GALNT13: variants seen among roughly 807,000 people sequenced by gnomAD.
GALNT13 encodes polypeptide N-acetylgalactosaminyltransferase 13, also known as UDP-GalNAc:polypeptide N-acetylgalactosaminyltransferase 13.
Under a neutral mutation model 64.2 loss-of-function variants are expected in GALNT13, and 28 were observed. The observed-to-expected ratio is 0.44, with a 90% CI of 0.32 to 0.60. GALNT13 has a LOEUF of 0.60. Ranked by LOEUF, GALNT13 falls within the 20% of genes least tolerant of loss-of-function variation. The pLI, the probability that GALNT13 is intolerant of heterozygous loss-of-function variation, is 0.05. For missense variants in GALNT13, 577 were observed against 669.8 expected (o/e 0.86, Z 1.53); for synonymous variants, 214 against 224.6 (o/e 0.95, Z 0.42).
chr2:153,710,905 A>G, the GALNT13 span, among the ~76,000 whole-genome samples: 1 of 152,098 alleles, frequency 6.6e-6, no homozygotes, highest in East Asian at 1.9e-4. Flanking sequence ...TGTATAACAC[A>G]AAAGGTCACT....
chr2:153,475,662 G>T, the GALNT13 span, among the ~76,000 whole-genome samples: 1 of 152,176 alleles, frequency 6.6e-6, no homozygotes. Flanking sequence ...GAAACTCTAA[G>T]CATGTGCCCG....
At chr2:153,482,577 C>G in the GALNT13 span, among the ~76,000 whole-genome samples, 1 of 152,194 alleles carries the variant, frequency 6.6e-6, no homozygotes, top group African/African-American at 2.4e-5. Context: ...TCAAGCGATT[C>G]TCCTGCCTCA....
the GALNT13 span, among the ~76,000 whole-genome samples, chr2:153,202,848 C>T: frequency 1.3e-5 from 2 of 151,922 alleles, no homozygotes; most frequent in African/African-American, 2.4e-5. Flanking sequence ...TTTAAAAATA[C>T]GTGTTATTGA....
chr2:154,216,023 A>G (rs1688023440), intron 4 of GALNT13, among the ~76,000 whole-genome samples: 1 of 151,964 alleles, frequency 6.6e-6, no homozygotes, highest in Admixed American at 6.6e-5. Context: ...ATTAAATAAT[A>G]ATTATTTTAC....
chr2:153,138,202 C>A, the GALNT13 span, among the ~76,000 whole-genome samples: 1 of 152,068 alleles, frequency 6.6e-6, no homozygotes, highest in Non-Finnish European at 1.5e-5. Context: ...GATTCTGATT[C>A]TGGAGTCCAT....
the GALNT13 span, among the ~76,000 whole-genome samples, chr2:153,546,670 C>G: frequency 6.6e-6 from 1 of 152,140 alleles, no homozygotes; most frequent in Non-Finnish European, 1.5e-5. Flanking sequence ...GTGTGCACAT[C>G]AAGTTTTGTG....
the GALNT13 span, among the ~76,000 whole-genome samples, chr2:153,147,800 T>C: frequency 1.7e-3 from 263 of 151,840 alleles, 4 homozygotes; most frequent in East Asian, 0.044. Context: ...CCCTGGAGCA[T>C]TGGGCATTCA....
the GALNT13 span, among the ~76,000 whole-genome samples, chr2:153,578,685 C>A: frequency 6.6e-6 from 1 of 152,160 alleles, no homozygotes; most frequent in Non-Finnish European, 1.5e-5. Context: ...AAGGTGAGAA[C>A]CATTTTGCCT....
intron 4 of GALNT13, among the ~76,000 whole-genome samples, chr2:154,140,990 T>C (rs1683226534): frequency 6.6e-6 from 1 of 152,212 alleles, no homozygotes; most frequent in Admixed American, 6.5e-5. Context: ...TTCTAGGCTG[T>C]AACTCTGTAC....
the GALNT13 span, among the ~76,000 whole-genome samples, chr2:153,741,309 A>G: frequency 4.6e-5 from 7 of 151,906 alleles, no homozygotes; most frequent in East Asian, 5.8e-4. Context: ...CTATCCATGT[A>G]TTAATATGCT....
intron 2 of GALNT13, among the ~76,000 whole-genome samples, chr2:153,909,733 T>C (rs1228325463): frequency 6.6e-6 from 1 of 152,222 alleles, no homozygotes; most frequent in African/African-American, 2.4e-5. Flanking sequence ...ATTACATTTA[T>C]TGATTTGCAT....
At chr2:153,221,965 A>G in the GALNT13 span, among the ~76,000 whole-genome samples, 2 of 152,174 alleles carry the variant, frequency 1.3e-5, no homozygotes, top group African/African-American at 4.8e-5. Context: ...GGCTCCCTGA[A>G]GAGCCACAGC....
chr2:154,177,146 A>T (rs1350033677), intron 4 of GALNT13, among the ~76,000 whole-genome samples: 1 of 152,204 alleles, frequency 6.6e-6, no homozygotes, highest in East Asian at 1.9e-4. Flanking sequence ...TCAGAATTCT[A>T]ATCTCAAGAA....
At chr2:154,002,846 A>G (rs1251889378) in intron 3 of GALNT13, among the ~76,000 whole-genome samples, 1 of 152,156 alleles carries the variant, frequency 6.6e-6, no homozygotes, top group Admixed American at 6.5e-5. Context: ...TTCGAATTCT[A>G]GGGAGACCTT....
intron 4 of GALNT13, among the ~76,000 whole-genome samples, chr2:154,238,583 A>G (rs1689317045): frequency 2.0e-5 from 3 of 152,048 alleles, no homozygotes; most frequent in Admixed American, 1.3e-4. Context: ...TGAAAATCAT[A>G]ACTCTTGCTT....
chr2:153,971,828 A>T (rs1460189974), intron 3 of GALNT13, among the ~76,000 whole-genome samples: 1 of 152,112 alleles, frequency 6.6e-6, no homozygotes, highest in Non-Finnish European at 1.5e-5. Context: ...CCAGAAAAAA[A>T]ATCATGTCAA....
At chr2:154,059,904 A>G (rs889879034) in intron 3 of GALNT13, among the ~76,000 whole-genome samples, 4 of 152,184 alleles carry the variant, frequency 2.6e-5, no homozygotes, top group Non-Finnish European at 5.9e-5. Context: ...GGGATGGTGA[A>G]GCTTGGGGAG....
the GALNT13 span, among the ~76,000 whole-genome samples, chr2:153,654,018 G>C: frequency 2.0e-5 from 3 of 152,016 alleles, no homozygotes; most frequent in African/African-American, 7.2e-5. Context: ...GCCCATTTGG[G>C]ACAATCATAT....
At chr2:154,430,043 C>T (rs1055321198) in intron 11 of GALNT13, among the ~76,000 whole-genome samples, 1 of 152,146 alleles carries the variant, frequency 6.6e-6, no homozygotes. Context: ...CTCAGTCACC[C>T]AAGAGCTCTG....
Sources: allele counts gnomAD v4.1 joint callset (sites outside exome capture counted in the v4.1 genomes callset), GRCh38; gene constraint gnomAD v4.1.1; transcripts MANE v1.5; gene names NCBI Gene and HGNC (gene_info 2026-07-23, HGNC 2026-07-21).